SORBS2: variants seen among roughly 807,000 people sequenced by gnomAD.
SORBS2 encodes the protein sorbin and SH3 domain-containing protein 2.
In SORBS2, 46 loss-of-function variants were observed where a neutral mutation model predicts 97.7. The observed-to-expected ratio is 0.47, with a 90% CI of 0.37 to 0.60. The LOEUF (loss-of-function observed/expected upper bound fraction) is 0.60, where lower values mean the gene tolerates loss of function less well. Among genes scored for constraint, SORBS2 ranks in the 20% least tolerant of loss-of-function variants. SORBS2 has a pLI of 0.00. For synonymous variants in SORBS2, 476 were observed against 473.4 expected, an observed-to-expected ratio of 1.01 and a Z score of -0.07; for missense variants, 1,316 against 1,282.3, an observed-to-expected ratio of 1.03 and a Z score of -0.40.
exon 11 of SORBS2, chr4:185,614,907 T>C: frequency 6.2e-7 from 1 of 1,614,196 alleles, no homozygotes; most frequent in Non-Finnish European, 8.5e-7. Flanking sequence ...TTCTCCGGGC[T>C]GGGCTGGCGG....
chr4:185,706,051 TTTTG>T, intron 2 of SORBS2, among the ~76,000 whole-genome samples: 1 of 65,632 alleles, frequency 1.5e-5, no homozygotes, highest in African/African-American at 3.2e-5. Context: ...GGCAGGATGA[TTTTG>T]TTTGAGTCTG....
intron 2 of SORBS2, among the ~76,000 whole-genome samples, chr4:185,725,803 C>G (rs1002396028): frequency 1.3e-5 from 2 of 152,178 alleles, no homozygotes; most frequent in African/African-American, 4.8e-5. Context: ...TAATTCCAAG[C>G]TGCAATTGCA....
chr4:185,878,464 A>G (rs966933525), intron 1 of SORBS2, among the ~76,000 whole-genome samples: 1 of 152,030 alleles, frequency 6.6e-6, no homozygotes, highest in Non-Finnish European at 1.5e-5. Context: ...CCATCTACCA[A>G]TTTATTGAGT....
At chr4:185,637,074 C>G (rs2097021311) in intron 4 of SORBS2, among the ~76,000 whole-genome samples, 1 of 152,228 alleles carries the variant, frequency 6.6e-6, no homozygotes, top group Non-Finnish European at 1.5e-5. Flanking sequence ...TTAAGATCCA[C>G]AGGACTTCCT....
chr4:185,650,722 C>G (rs1389182389), intron 2 of SORBS2, among the ~76,000 whole-genome samples: 1 of 152,108 alleles, frequency 6.6e-6, no homozygotes, highest in African/African-American at 2.4e-5. Flanking sequence ...TGCTTGGATT[C>G]AACAGTCGGA....
intron 2 of SORBS2, among the ~76,000 whole-genome samples, chr4:185,689,974 A>G (rs2098060797): frequency 6.6e-6 from 1 of 152,250 alleles, no homozygotes; most frequent in East Asian, 1.9e-4. Context: ...AAAAAAGTTC[A>G]TATGTACAAA....
intron 4 of SORBS2, chr4:185,665,810 CA>C: frequency 9.0e-7 from 1 of 1,115,208 alleles, no homozygotes; most frequent in Non-Finnish European, 1.1e-6. Context: ...GAGGGTGTCT[CA>C]GAACGGCCAG....
At chr4:185,630,659 G>A in intron 4 of SORBS2, 61 bp from the exon 17 acceptor site, 2 of 897,928 alleles carry the variant, frequency 2.2e-6, no homozygotes, top group Non-Finnish European at 3.6e-6. Context: ...TTGTTCACTT[G>A]TCAACATTAA....
At chr4:185,901,526 A>C (rs978106081) in intron 1 of SORBS2, among the ~76,000 whole-genome samples, 2 of 152,184 alleles carry the variant, frequency 1.3e-5, no homozygotes, top group African/African-American at 4.8e-5. Flanking sequence ...TTATAATAAA[A>C]TAAACTTATG....
chr4:185,830,577 T>A (rs1202572780), intron 1 of SORBS2, among the ~76,000 whole-genome samples: 1 of 152,226 alleles, frequency 6.6e-6, no homozygotes, highest in African/African-American at 2.4e-5. Flanking sequence ...AGGGAGTGGC[T>A]TCTTCGGGGA....
intron 2 of SORBS2, among the ~76,000 whole-genome samples, chr4:185,692,012 A>C (rs1257942465): frequency 6.6e-6 from 1 of 152,220 alleles, no homozygotes; most frequent in South Asian, 2.1e-4. Context: ...CTCCCAAAGA[A>C]AAAGGTTTTA....
chr4:185,693,795 A>G (rs551145202), intron 2 of SORBS2, among the ~76,000 whole-genome samples: 1 of 152,370 alleles, frequency 6.6e-6, no homozygotes, highest in Admixed American at 6.5e-5. Flanking sequence ...ACTAGTTATC[A>G]ACACCTATTG....
At chr4:185,783,328 C>T (rs1345761146) in intron 1 of SORBS2, among the ~76,000 whole-genome samples, 3 of 152,214 alleles carry the variant, frequency 2.0e-5, no homozygotes, top group Non-Finnish European at 4.4e-5. Context: ...CAGACTCTCT[C>T]TCTACTTCTA....
At chr4:185,650,997 G>T (rs2097304017) in intron 2 of SORBS2, among the ~76,000 whole-genome samples, 1 of 152,112 alleles carries the variant, frequency 6.6e-6, no homozygotes, top group South Asian at 2.1e-4. Context: ...AGGCTGCCCA[G>T]AGGACCCCAA....
At chr4:185,687,617 A>G (rs2097993565) in intron 2 of SORBS2, among the ~76,000 whole-genome samples, 1 of 152,218 alleles carries the variant, frequency 6.6e-6, no homozygotes, top group Non-Finnish European at 1.5e-5. Flanking sequence ...CTAGGAGCAC[A>G]GTGAAGAAAT....
intron 1 of SORBS2, among the ~76,000 whole-genome samples, chr4:185,891,537 A>C (rs1033051786): frequency 5.9e-5 from 9 of 152,210 alleles, no homozygotes; most frequent in African/African-American, 2.2e-4. Context: ...GTGTACTAGA[A>C]CCTAAGACTG....
At chr4:185,679,331 G>C (rs1016424984) in intron 2 of SORBS2, among the ~76,000 whole-genome samples, 2 of 151,844 alleles carry the variant, frequency 1.3e-5, no homozygotes, top group African/African-American at 2.4e-5. Context: ...AATTATTCTC[G>C]AGACTGAGTT....
chr4:185,604,527 A>T (rs60624270), intron 12 of SORBS2, among the ~76,000 whole-genome samples: 262 of 152,236 alleles, frequency 1.7e-3, no homozygotes, highest in African/African-American at 6.0e-3. Context: ...AAAATGACGG[A>T]GGCTTAAATA....
At chr4:185,682,087 A>G (rs1473925199) in intron 2 of SORBS2, among the ~76,000 whole-genome samples, 1 of 152,098 alleles carries the variant, frequency 6.6e-6, no homozygotes, top group Non-Finnish European at 1.5e-5. Context: ...CTTTTCATTT[A>G]TTTTCTTCAT....
Sources: allele counts gnomAD v4.1 joint callset (sites outside exome capture counted in the v4.1 genomes callset), GRCh38; gene constraint gnomAD v4.1.1; transcripts MANE v1.5; gene names NCBI Gene and HGNC (gene_info 2026-07-23, HGNC 2026-07-21).